The following MRTFB variants were observed in gnomAD, a reference collection of about 807,000 sequenced individuals.
The protein encoded by MRTFB is myocardin-related transcription factor B.
A neutral mutation model predicts 104.2 loss-of-function variants in MRTFB; 29 were observed. The ratio of observed to expected loss-of-function variants is 0.28; its 90% CI spans 0.21 to 0.38. MRTFB has a LOEUF of 0.38. MRTFB is among the 10% of genes least tolerant of loss of function. The pLI is 1.00. For synonymous variants in MRTFB, 535 were observed against 519.5 expected (o/e 1.03, Z -0.41); for missense variants, 1,270 against 1,341.6 (o/e 0.95, Z 0.83).
intron 3 of MRTFB, chr16:14,141,721 GTTC>G (rs1286524617): frequency 6.6e-6 from 1 of 151,780 alleles, no homozygotes; most frequent in Non-Finnish European, 1.5e-5. Flanking sequence ...TACATATACC[GTTC>G]TTCTTAGGCC....
intron 11 of MRTFB, among the ~76,000 whole-genome samples, chr16:14,246,150 G>GC (rs1343408174): frequency 6.6e-6 from 1 of 152,152 alleles, no homozygotes; most frequent in Non-Finnish European, 1.5e-5. Context: ...AAAGAGTAGA[G>GC]CATTTCCAAA....
chr16:14,011,921 T>G, the MRTFB span, among the ~76,000 whole-genome samples: 1 of 152,202 alleles, frequency 6.6e-6, no homozygotes, highest in African/African-American at 2.4e-5. Flanking sequence ...GCATTCGTTA[T>G]TGTTACAGGG....
chr16:14,146,894 C>T (rs1231713526), intron 3 of MRTFB, among the ~76,000 whole-genome samples: 2 of 152,166 alleles, frequency 1.3e-5, no homozygotes, highest in South Asian at 2.1e-4. Flanking sequence ...TTCTACTTTT[C>T]TCTGGAGCAG....
intron 3 of MRTFB, chr16:14,187,041 T>C (rs2039980328): frequency 6.3e-7 from 1 of 1,592,770 alleles, no homozygotes; most frequent in African/African-American, 1.3e-5. Context: ...GGAAGGTCAG[T>C]CTGTCTGTGG....
At chr16:14,093,640 C>T (rs1207797888) in intron 2 of MRTFB, among the ~76,000 whole-genome samples, 2 of 152,100 alleles carry the variant, frequency 1.3e-5, no homozygotes, top group Non-Finnish European at 2.9e-5. Flanking sequence ...CTTGTTCTTT[C>T]AGATAAAGTT....
chr16:14,033,452 C>T, the MRTFB span, among the ~76,000 whole-genome samples: 158 of 151,988 alleles, frequency 1.0e-3, 3 homozygotes, highest in African/African-American at 3.5e-3. Context: ...GAGGCTGAAG[C>T]GGGAGGATTG....
In MRTFB at chr16:14,246,719, C is replaced by G; in HGVS notation, c.1459C>G (p.Pro487Ala). 6.2e-7 allele frequency: 1 copy of G among 1,614,184 alleles called. No homozygotes were observed. The highest frequency in any genetic ancestry group is 1.3e-5 in the African/African-American group (1 of 75,050). Reference protein sequence around the residue: ...SVSTLKAELPPTGTSNATRVE... With the variant: ...SVSTLKAELPATGTSNATRVE... ...CTCTACTCTCAAGGCAGAATTGCCA[C>G]CTACAGGAACCAGCAACGCAACCCG... Residue 487 changes from proline (P) to alanine (A), a missense_variant, in exon 12 of 17, where the codon CCT (proline) becomes GCT (alanine). Physicochemically the swap from Pro to Ala is conservative, Grantham distance 27. Around this residue, in one of 3 missense-constraint regions of MRTFB, gnomAD observed 1,144 missense variants for 1,131.5 expected, o/e 1.01. Transcript: ENST00000571589.
intron 2 of MRTFB, among the ~76,000 whole-genome samples, chr16:14,108,756 G>A (rs542963174): frequency 6.6e-6 from 1 of 152,254 alleles, no homozygotes; most frequent in South Asian, 2.1e-4. Context: ...GTAGTTATTG[G>A]TGAACTTATT....
the MRTFB span, among the ~76,000 whole-genome samples, chr16:14,035,846 C>T: frequency 6.6e-6 from 1 of 151,728 alleles, no homozygotes; most frequent in Non-Finnish European, 1.5e-5. Context: ...ACACACTGAA[C>T]CCAATTTGTA....
At chr16:14,227,134 T>A (rs1188561056) in intron 8 of MRTFB, among the ~76,000 whole-genome samples, 2 of 152,138 alleles carry the variant, frequency 1.3e-5, no homozygotes, top group Admixed American at 6.5e-5. Flanking sequence ...AAACCTCATG[T>A]CAAAATTTGA....
the MRTFB span, among the ~76,000 whole-genome samples, chr16:14,019,724 A>G: frequency 6.6e-6 from 1 of 152,194 alleles, no homozygotes; most frequent in African/African-American, 2.4e-5. Context: ...TAAGCCAGCT[A>G]GCAATTACTT....
chr16:14,063,390 G>A, the MRTFB span, among the ~76,000 whole-genome samples: 2 of 152,192 alleles, frequency 1.3e-5, no homozygotes, highest in East Asian at 3.8e-4. Flanking sequence ...AGGGGCACAT[G>A]TGCAGATTGG....
chr16:14,037,319 T>TG, the MRTFB span, among the ~76,000 whole-genome samples: 2 of 152,226 alleles, frequency 1.3e-5, no homozygotes, highest in South Asian at 4.1e-4. Context: ...GTTATTGTTA[T>TG]GGCAATGGCA....
At chr16:14,054,597 G>A in the MRTFB span, among the ~76,000 whole-genome samples, 1 of 152,052 alleles carries the variant, frequency 6.6e-6, no homozygotes, top group South Asian at 2.1e-4. Flanking sequence ...TTCCTTCATG[G>A]CATTTGTTAC....
intron 3 of MRTFB, among the ~76,000 whole-genome samples, chr16:14,169,730 TAAAG>T (rs1567409974): frequency 6.6e-6 from 1 of 152,156 alleles, no homozygotes. Flanking sequence ...AGTTACCAGT[TAAAG>T]AAATTGTAAG....
chr16:14,016,938 C>A, the MRTFB span, among the ~76,000 whole-genome samples: 1 of 151,978 alleles, frequency 6.6e-6, no homozygotes, highest in Non-Finnish European at 1.5e-5. Context: ...CTGAGTATGT[C>A]ATTTAGTTTA....
At chr16:14,226,642 C>T (rs1468758471) in intron 8 of MRTFB, among the ~76,000 whole-genome samples, 1 of 151,974 alleles carries the variant, frequency 6.6e-6, no homozygotes, top group South Asian at 2.1e-4. Flanking sequence ...GACACCAAGG[C>T]AGCAAAAGAA....
Position 14,156,112 on chromosome 16 carries a change from C to T in MRTFB, c.154+15352C>T, listed in dbSNP as rs1027544368. On this transcript the variant is annotated intron_variant, in intron 3 of 16. Coordinates refer to ENST00000571589, the MANE Select transcript of MRTFB (RefSeq NM_001308142.2). The stretch of plus-strand genomic sequence containing the variant: ...TGGGCTCATCTCATTTGTTTCCCTC[C>T]TCTCAGGGGCCACAGCCCTGCATTA... 5.9e-5 allele frequency among the ~76,000 whole-genome samples: 9 copies of T among 152,208 alleles called. No homozygotes were observed. The East Asian group carries it at 7.7e-4, about 13-fold the overall frequency.
the MRTFB span, among the ~76,000 whole-genome samples, chr16:14,004,108 A>G: frequency 1.3e-5 from 2 of 152,190 alleles, no homozygotes; most frequent in Admixed American, 6.6e-5. Context: ...ACAGCAAGCC[A>G]TGAGCCCCAG....
Sources: gnomAD v4.1 joint callset for allele counts (sites outside exome capture counted in the v4.1 genomes callset) on GRCh38, gnomAD v4.1.1 for gene constraint, gnomAD v4.1.1 regional missense constraint, MANE v1.5 for transcripts, NCBI Gene and HGNC (gene_info 2026-07-23, HGNC 2026-07-21) for gene names.